REEP3: variants seen among roughly 807,000 people sequenced by gnomAD.
The protein encoded by REEP3 is receptor expression-enhancing protein 3.
Under a neutral mutation model 41.3 loss-of-function variants are expected in REEP3, and 20 were observed. The ratio of observed to expected loss-of-function variants is 0.48; its 90% CI spans 0.34 to 0.70. The LOEUF (loss-of-function observed/expected upper bound fraction) is 0.70, where lower values mean the gene tolerates loss of function less well. Ranked by LOEUF, REEP3 falls within the 30% of genes least tolerant of loss-of-function variation. The probability of loss-of-function intolerance (pLI) is 0.01; values close to 1 mark genes in which losing one functional copy is unlikely to be tolerated. For missense variants in REEP3, 271 were observed against 308.8 expected (o/e 0.88, Z 0.92); for synonymous variants, 104 against 101.8 (o/e 1.02, Z -0.13).
chr10:63,600,637 T>G (rs1399215611), intron 5 of REEP3, among the ~76,000 whole-genome samples: 1 of 152,120 alleles, frequency 6.6e-6, no homozygotes, highest in African/African-American at 2.4e-5. Context: ...CAGGAGATAA[T>G]CCAGCCACTG....
intron 3 of REEP3, 105 bp downstream of exon 3, chr10:63,594,959 C>G: frequency 1.3e-6 from 1 of 754,552 alleles, no homozygotes; most frequent in South Asian, 1.5e-5. Flanking sequence ...ATCAGGTTAC[C>G]TAATTATCCA....
chr10:63,577,434 T>C (rs756908259), intron 2 of REEP3, among the ~76,000 whole-genome samples: 3 of 152,046 alleles, frequency 2.0e-5, no homozygotes, highest in Non-Finnish European at 4.4e-5. Flanking sequence ...CTGTCCTTTT[T>C]GTTTTGTTAG....
chr10:63,552,428 A>G (rs1237367135), intron 1 of REEP3, among the ~76,000 whole-genome samples: 7 of 152,192 alleles, frequency 4.6e-5, no homozygotes, highest in Non-Finnish European at 8.8e-5. Context: ...AAAGAAAGAA[A>G]TATAACATTG....
intron 1 of REEP3, among the ~76,000 whole-genome samples, chr10:63,525,673 C>A (rs962290120): frequency 6.6e-6 from 1 of 152,150 alleles, no homozygotes. Flanking sequence ...CCCACCTCAG[C>A]CTCCCAAAGT....
At chr10:63,554,367 C>G (rs950342936) in intron 1 of REEP3, among the ~76,000 whole-genome samples, 1 of 152,038 alleles carries the variant, frequency 6.6e-6, no homozygotes, top group African/African-American at 2.4e-5. Flanking sequence ...GAAAATGGGT[C>G]TCAGATATTT....
chr10:63,622,194 G>T lies in REEP3; in HGVS notation c.*1325G>T, dbSNP rs1197329026. 1.3e-5 allele frequency: 2 copies of T among 152,160 alleles called. No homozygotes were observed. The highest frequency in any genetic ancestry group is 2.9e-5 in the Non-Finnish European group (2 of 68,018). 9.4% of individuals were successfully genotyped at this position (152,160 alleles called of 1,614,324 possible). A position where few individuals can be genotyped will look rare whatever the true frequency, so the allele number is the denominator to read the frequency against. ...GACTGTTCTATTTGTTTGTCCAAAA[G>T]ATAAAATGATGAGAGAGATTCGAGA... On this transcript the variant is annotated 3_prime_UTR_variant, in exon 8 of 8. Transcript: ENST00000373758.
chr10:63,534,104 A>T (rs943541954), intron 1 of REEP3, among the ~76,000 whole-genome samples: 2 of 151,934 alleles, frequency 1.3e-5, no homozygotes, highest in African/African-American at 4.8e-5. Flanking sequence ...GAGATATTCT[A>T]AAAAAAACCT....
chr10:63,523,237 C>T (rs959716583), intron 1 of REEP3, among the ~76,000 whole-genome samples: 1 of 152,176 alleles, frequency 6.6e-6, no homozygotes, highest in Non-Finnish European at 1.5e-5. Context: ...CAAATGTCAA[C>T]TCTTGTAAAA....
intron 3 of REEP3, 98 bp from the exon 4 acceptor site, chr10:63,597,926 A>C: frequency 9.0e-7 from 1 of 1,106,204 alleles, no homozygotes; most frequent in Non-Finnish European, 1.3e-6. Context: ...AAAAACAAAA[A>C]ACAGCATAGT....
chr10:63,584,135 C>T (rs919037437), intron 2 of REEP3, among the ~76,000 whole-genome samples: 2 of 152,150 alleles, frequency 1.3e-5, no homozygotes, highest in Non-Finnish European at 2.9e-5. Context: ...ATACAGTCGG[C>T]CCCATTTTAA....
chr10:63,600,329 C>T (rs34357212), intron 5 of REEP3, among the ~76,000 whole-genome samples: 30,797 of 151,986 alleles, frequency 0.2, 4,035 homozygotes, highest in Non-Finnish European at 0.29. Context: ...AAATTATATA[C>T]CTAATAGCAT....
At chr10:63,565,527 A>G (rs1358270081) in intron 1 of REEP3, among the ~76,000 whole-genome samples, 3 of 152,204 alleles carry the variant, frequency 2.0e-5, no homozygotes, top group Admixed American at 6.5e-5. Flanking sequence ...ATTATAGTTA[A>G]TGTATCAAGA....
At chr10:63,528,821 C>G (rs988971292) in intron 1 of REEP3, among the ~76,000 whole-genome samples, 1 of 152,212 alleles carries the variant, frequency 6.6e-6, no homozygotes, top group African/African-American at 2.4e-5. Flanking sequence ...CACAGATACC[C>G]TCCTGCCTCA....
intron 1 of REEP3, among the ~76,000 whole-genome samples, chr10:63,544,835 C>A (rs534270796): frequency 6.6e-6 from 1 of 152,168 alleles, no homozygotes; most frequent in Non-Finnish European, 1.5e-5. Flanking sequence ...GAAAAAAATA[C>A]CCTATGTTAA....
In REEP3 at chr10:63,521,490, G is replaced by C; in HGVS notation, c.-56G>C. 1 of 1,278,974 alleles carries C rather than the reference G, an allele frequency of 7.8e-7. No homozygotes were observed. The highest frequency in any genetic ancestry group is 3.3e-5 in the East Asian group (1 of 29,928). The allele number at this position is 1,278,974 out of a possible 1,614,324, so 79.2% of individuals were successfully genotyped here. A position where few individuals can be genotyped will look rare whatever the true frequency, so the allele number is the denominator to read the frequency against. ...CGCGCGGCCTGCCGTTGGCGGCCTG[G>C]TCCGCAGCGCCCTGCGCCCACCCGC... On this transcript the variant is annotated 5_prime_UTR_variant, in exon 1 of 8. Coordinates refer to ENST00000373758, the MANE Select transcript of REEP3 (RefSeq NM_001001330.3).
chr10:63,587,761 C>G (rs948945600), intron 2 of REEP3, among the ~76,000 whole-genome samples: 3 of 152,184 alleles, frequency 2.0e-5, no homozygotes, highest in African/African-American at 7.2e-5. Context: ...AGCCTCACCT[C>G]ATATTCTTTT....
At chr10:63,541,734 G>A (rs957712391) in intron 1 of REEP3, among the ~76,000 whole-genome samples, 12 of 152,054 alleles carry the variant, frequency 7.9e-5, no homozygotes, top group African/African-American at 2.9e-4. Flanking sequence ...CATTTTACGT[G>A]CAGTTTAAAT....
intron 1 of REEP3, among the ~76,000 whole-genome samples, chr10:63,532,634 C>T (rs372839350): frequency 5.5e-4 from 81 of 147,972 alleles, no homozygotes; most frequent in African/African-American, 2.0e-3. Flanking sequence ...CCAGCCTGGG[C>T]GATAGAGCGA....
At chr10:63,531,237 C>T (rs1487806546) in intron 1 of REEP3, among the ~76,000 whole-genome samples, 1 of 152,196 alleles carries the variant, frequency 6.6e-6, no homozygotes, top group African/African-American at 2.4e-5. Context: ...TATAGCCATT[C>T]ATAATTATTT....
Sources: gnomAD v4.1 joint callset for allele counts (sites outside exome capture counted in the v4.1 genomes callset) on GRCh38, gnomAD v4.1.1 for gene constraint, MANE v1.5 for transcripts, NCBI Gene and HGNC (gene_info 2026-07-23, HGNC 2026-07-21) for gene names.